PRKD3: variants seen among roughly 807,000 people sequenced by gnomAD.
PRKD3 encodes serine/threonine-protein kinase D3.
PRKD3 carries 47 observed loss-of-function variants against 99.2 expected under a neutral mutation model. The observed-to-expected ratio is 0.47, with a 90% CI of 0.38 to 0.60. The LOEUF (loss-of-function observed/expected upper bound fraction) is 0.60, where lower values mean the gene tolerates loss of function less well. PRKD3 is among the 20% of genes least tolerant of loss of function. The pLI, the probability that PRKD3 is intolerant of heterozygous loss-of-function variation, is 0.00. For synonymous variants in PRKD3, 392 were observed against 355.4 expected, an observed-to-expected ratio of 1.10 and a Z score of -1.16; for missense variants, 1,019 against 1,088.4, an observed-to-expected ratio of 0.94 and a Z score of 0.90.
At chr2:37,267,324 C>A in intron 14 of PRKD3, 106 bp downstream of exon 14, 1 of 726,274 alleles carries the variant, frequency 1.4e-6, no homozygotes, top group Non-Finnish European at 2.2e-6. Context: ...GCCTATATTA[C>A]CATAATCTAA....
Position 37,286,217 on chromosome 2 carries a change from C to T in PRKD3, c.870G>A (p.Arg290=). The T allele has an allele frequency of 1.9e-6, 3 of 1,613,626 alleles. No individual in the cohort carries two copies. The highest frequency in any genetic ancestry group is 2.5e-6 in the Non-Finnish European group (3 of 1,179,682). ...TRPTICQYCK[R]LLKGLFRQGM... Reference sequence around the variant, plus strand: ...CTTGGCGAAAGAGGCCTTTCAGTAACCGCTTGCAGTACTGACATATCGTGG... The same window carrying T: ...CTTGGCGAAAGAGGCCTTTCAGTAATCGCTTGCAGTACTGACATATCGTGG... The change falls in exon 6 of 19, where the codon CGG becomes CGA. Residue 290 remains arginine (R), a synonymous_variant. Transcript: ENST00000234179.
At chr2:37,259,476 G>A (rs983152207) in intron 16 of PRKD3, 107 bp downstream of exon 16, 3 of 655,396 alleles carry the variant, frequency 4.6e-6, no homozygotes, top group African/African-American at 1.8e-5. Flanking sequence ...ATTTTTGTAA[G>A]GTGGTATGCA....
intron 2 of PRKD3, among the ~76,000 whole-genome samples, chr2:37,308,361 C>T (rs970665240): frequency 6.6e-6 from 1 of 152,018 alleles, no homozygotes; most frequent in Non-Finnish European, 1.5e-5. Context: ...ATAGTCAATT[C>T]CATTATATGT....
Position 37,266,155 on chromosome 2 carries a change from T to C in PRKD3, c.1884+1275A>G, listed in dbSNP as rs117095788. ...AGGTACCTACTTGACCACAAGCTTT[T>C]TGATTATCATGCCTCTGAAAAAGTG... On this transcript the variant is annotated intron_variant, in intron 14 of 18. Coordinates refer to ENST00000234179, the MANE Select transcript of PRKD3 (RefSeq NM_005813.6). Among the ~76,000 whole-genome samples the C allele has an allele frequency of 4.7e-3, 712 of 152,322 alleles. 19 individuals carry two copies. In the East Asian group the frequency reaches 0.062, roughly 13 times the overall value.
chr2:37,263,136 T>G (rs1253999220), intron 14 of PRKD3, among the ~76,000 whole-genome samples: 1 of 152,218 alleles, frequency 6.6e-6, no homozygotes, highest in Admixed American at 6.5e-5. Context: ...CTTAATTCAC[T>G]TATTTTCATT....
At chr2:37,281,505 T>A (rs968965164) in intron 7 of PRKD3, among the ~76,000 whole-genome samples, 18 of 152,234 alleles carry the variant, frequency 1.2e-4, no homozygotes, top group South Asian at 1.0e-3. Flanking sequence ...CCTTATAAAA[T>A]ATGTCCACAG....
At chr2:37,277,766 TC>T in intron 9 of PRKD3, 99 bp downstream of exon 9, 1 of 1,318,206 alleles carries the variant, frequency 7.6e-7, no homozygotes, top group Non-Finnish European at 1.0e-6. Context: ...GTATATAATG[TC>T]TTAATATGTA....
chr2:37,319,061 A>C (rs1671773305), intron 1 of PRKD3, among the ~76,000 whole-genome samples: 1 of 152,174 alleles, frequency 6.6e-6, no homozygotes, highest in Non-Finnish European at 1.5e-5. Context: ...AGCTCTTACT[A>C]TCTGTCAGAT....
intron 9 of PRKD3, among the ~76,000 whole-genome samples, chr2:37,276,533 G>A (rs977593229): frequency 2.0e-5 from 3 of 151,726 alleles, no homozygotes; most frequent in Non-Finnish European, 4.4e-5. Context: ...TTATCAATTT[G>A]TTGGCATTCT....
intron 17 of PRKD3, among the ~76,000 whole-genome samples, chr2:37,255,606 A>G (rs778378902): frequency 1.1e-4 from 17 of 152,212 alleles, no homozygotes; most frequent in Non-Finnish European, 2.4e-4. Context: ...TGGTGATTAT[A>G]AAGTTCATTC....
intron 1 of PRKD3, among the ~76,000 whole-genome samples, chr2:37,324,016 G>A (rs1300434418): frequency 3.3e-5 from 5 of 152,118 alleles, no homozygotes; most frequent in African/African-American, 4.8e-5. Flanking sequence ...ATACCCAACC[G>A]GCAATACAGT....
rs552162384 is a variant in PRKD3 at position 37,305,367 on chromosome 2, A to T, written c.288+10870T>A. Among the ~76,000 whole-genome samples the T allele has an allele frequency of 1.1e-4, 17 of 152,366 alleles. No homozygotes were observed. The South Asian group carries it at 3.5e-3, about 32-fold the overall frequency. On this transcript the variant is annotated intron_variant, in intron 2 of 18. Transcript: ENST00000234179. ...AAGCAGACAATCTGCTTTTGTAAGA[A>T]TTATTCCAATTTCTGTAAACAGCAT...
chr2:37,315,132 ATTTG>A (rs1671603147), intron 2 of PRKD3, among the ~76,000 whole-genome samples: 1 of 152,238 alleles, frequency 6.6e-6, no homozygotes, highest in African/African-American at 2.4e-5. Flanking sequence ...AAAGTTTACA[ATTTG>A]TTTGAAACAA....
In PRKD3 at chr2:37,289,441, C is replaced by A. The variant is rs201601245; in HGVS notation, c.632G>T (p.Arg211Leu). 28 of 1,613,584 alleles carry A rather than the reference C, an allele frequency of 1.7e-5. No individual in the cohort carries two copies. Among genetic ancestry groups the A allele is most frequent in the Non-Finnish European group, 2.0e-5 (24 of 1,179,688 alleles). Residue 211 changes from arginine (R) to leucine (L), a missense_variant, in exon 5 of 19, where the codon CGT (arginine) becomes CTT (leucine). Around this residue, in one of 3 missense-constraint regions of PRKD3, gnomAD observed 710 missense variants for 692.7 expected, o/e 1.02. Coordinates refer to ENST00000234179, the MANE Select transcript of PRKD3 (RefSeq NM_005813.6). ...PNNCSGVRKRRLSNVSLPGPG... is the reference protein window; with the variant it reads ...PNNCSGVRKRLLSNVSLPGPG... Reference sequence around the variant, plus strand: ...TCCTGGTAAAGATACATTTGACAGACGTCTCTTTCTTACTCCACTACAGTT... The same window carrying A: ...TCCTGGTAAAGATACATTTGACAGAAGTCTCTTTCTTACTCCACTACAGTT...
chr2:37,302,542 T>C (rs1670982931), intron 2 of PRKD3, among the ~76,000 whole-genome samples: 1 of 152,222 alleles, frequency 6.6e-6, no homozygotes, highest in Non-Finnish European at 1.5e-5. Context: ...GCAACACTTA[T>C]TTTGAAAGTA....
Position 37,260,689 on chromosome 2 carries a change from A to G in PRKD3, c.1885-305T>C, listed in dbSNP as rs187813317. Among the ~76,000 whole-genome samples, 235 of 152,194 alleles carry G rather than the reference A, an allele frequency of 1.5e-3. 1 individual carries two copies. The highest frequency in any genetic ancestry group is 5.4e-3 in the Admixed American group (82 of 15,286). Reference sequence around the variant, plus strand: ...AAAAATCTGACACTGCTCTAATTTCATGCTTTCCCTGAATAGGCACCAACT... The same window carrying G: ...AAAAATCTGACACTGCTCTAATTTCGTGCTTTCCCTGAATAGGCACCAACT... On this transcript the variant is annotated intron_variant, in intron 14 of 18. Coordinates refer to ENST00000234179, the MANE Select transcript of PRKD3 (RefSeq NM_005813.6).
At chr2:37,273,892 CAT>C (rs1414823948) in intron 11 of PRKD3, among the ~76,000 whole-genome samples, 1 of 152,142 alleles carries the variant, frequency 6.6e-6, no homozygotes, top group Non-Finnish European at 1.5e-5. Flanking sequence ...TGGTGCAAAA[CAT>C]GTTTCAGTGA....
chr2:37,269,599 GGCTGTAGTT>G lies in PRKD3; in HGVS notation c.1777+7_1777+15del, dbSNP rs1558537959. On this transcript the variant is annotated splice_region_variant and intron_variant, in intron 13 of 18. Transcript: ENST00000234179. Reference sequence around the variant, plus strand: ...AAAATAATGTGTACAATATGCAAACGGCTGTAGTTGCTTACCTCCATAAACGATGCCAAA... The same window carrying G: ...AAAATAATGTGTACAATATGCAAACGGCTTACCTCCATAAACGATGCCAAA... 1 of 1,592,696 alleles carries G rather than the reference GGCTGTAGTT, an allele frequency of 6.3e-7. No homozygotes were observed.
chr2:37,271,447 C>CTA (rs1299722219), intron 12 of PRKD3, among the ~76,000 whole-genome samples: 1 of 152,200 alleles, frequency 6.6e-6, no homozygotes, highest in African/African-American at 2.4e-5. Flanking sequence ...TATGTATTGC[C>CTA]TATAGCTGCT....
Sources: gnomAD v4.1 joint callset for allele counts (sites outside exome capture counted in the v4.1 genomes callset) on GRCh38, gnomAD v4.1.1 for gene constraint, gnomAD v4.1.1 regional missense constraint, MANE v1.5 for transcripts, NCBI Gene and HGNC (gene_info 2026-07-23, HGNC 2026-07-21) for gene names.